CWC22: variants seen among roughly 807,000 people sequenced by gnomAD.
CWC22 encodes CWC22 spliceosome associated protein, also known as pre-mRNA-splicing factor CWC22 homolog.
In CWC22, 53 loss-of-function variants were observed where a neutral mutation model predicts 117.2. That is an observed-to-expected ratio of 0.45 (90% CI 0.36 to 0.57). CWC22 has a LOEUF of 0.57. Ranked by LOEUF, CWC22 falls within the 20% of genes least tolerant of loss-of-function variation. The probability of loss-of-function intolerance (pLI) is 0.00; values close to 1 mark genes in which losing one functional copy is unlikely to be tolerated. For missense variants in CWC22, 980 were observed against 1,068.8 expected (o/e 0.92, Z 1.16); for synonymous variants, 360 against 355.6 (o/e 1.01, Z -0.14).
At chr2:179,972,484 G>A (rs565002159) in intron 8 of CWC22, among the ~76,000 whole-genome samples, 52 of 152,224 alleles carry the variant, frequency 3.4e-4, no homozygotes, top group African/African-American at 1.1e-3. Context: ...GACTATACCT[G>A]TGTGGTTGCA....
chr2:179,986,272 C>T (rs1488333958), intron 4 of CWC22, among the ~76,000 whole-genome samples: 1 of 152,100 alleles, frequency 6.6e-6, no homozygotes, highest in Non-Finnish European at 1.5e-5. Context: ...TGTCCCTCTG[C>T]CATTACGCAG....
intron 1 of CWC22, among the ~76,000 whole-genome samples, chr2:179,993,667 TAGA>T (rs1280751687): frequency 4.6e-5 from 7 of 151,624 alleles, no homozygotes; most frequent in Non-Finnish European, 1.0e-4. Flanking sequence ...AGAGAGCAAA[TAGA>T]AGGTTTTATT....
intron 13 of CWC22, among the ~76,000 whole-genome samples, chr2:179,963,533 G>A (rs1201386692): frequency 1.3e-5 from 2 of 150,632 alleles, no homozygotes; most frequent in Non-Finnish European, 3.0e-5. Context: ...TAGTAGAGAC[G>A]GGGTTTCACC....
chr2:179,982,127 G>T, intron 4 of CWC22, 130 bp from the exon 5 acceptor site: 1 of 618,468 alleles, frequency 1.6e-6, no homozygotes, highest in Admixed American at 2.9e-5. Context: ...GTTTAGAATG[G>T]TGACAAAGTG....
In CWC22 at chr2:179,965,954, C is replaced by A. The variant is rs538752827; in HGVS notation, c.1239G>T (p.Ser413=). ...TACTCCCAGCATCCTGGTCTGTGTT[C>A]GAGTCAGTATCTCCCTCATCAAGAA... ...KEILDEGDTD[S]NTDQDAGSSE... The change falls in exon 12 of 20, where the codon TCG becomes TCT. Residue 413 remains serine, a synonymous_variant. Transcript: ENST00000410053. 8 of 1,611,842 alleles carry A rather than the reference C, an allele frequency of 5.0e-6. No homozygotes were observed. Among genetic ancestry groups the A allele is most frequent in the Non-Finnish European group, 6.8e-6 (8 of 1,178,484 alleles).
chr2:179,946,849 C>T (rs1383662632), intron 19 of CWC22, among the ~76,000 whole-genome samples: 2 of 152,164 alleles, frequency 1.3e-5, no homozygotes, highest in Non-Finnish European at 2.9e-5. Context: ...CAGAGAGGCA[C>T]TAACTGCACC....
intron 1 of CWC22, among the ~76,000 whole-genome samples, chr2:179,998,919 C>A (rs1324985463): frequency 6.6e-6 from 1 of 152,116 alleles, no homozygotes; most frequent in Non-Finnish European, 1.5e-5. Flanking sequence ...TCAGAACAAG[C>A]AATTTCTGTG....
chr2:179,975,010 G>C (rs1360214977), intron 6 of CWC22, among the ~76,000 whole-genome samples: 2 of 152,132 alleles, frequency 1.3e-5, no homozygotes, highest in Non-Finnish European at 2.9e-5. Context: ...CAAAGTGCTA[G>C]GATTACAGGC....
In CWC22 at chr2:180,000,872, A is replaced by C. The variant is rs146492738; in HGVS notation, c.-114+5995T>G. On this transcript the variant is annotated intron_variant, in intron 1 of 19. Transcript: ENST00000410053. Reference sequence around the variant, plus strand: ...CCCAGTGACACCATTATCTATACTGAAAACCTCACATTATAAATTGGGAGG... The same window carrying C: ...CCCAGTGACACCATTATCTATACTGCAAACCTCACATTATAAATTGGGAGG... Among the ~76,000 whole-genome samples the C allele has an allele frequency of 8.5e-5, 13 of 152,294 alleles. No individual in the cohort carries two copies. In the East Asian group the frequency reaches 2.3e-3, roughly 27 times the overall value.
intron 12 of CWC22, 137 bp from the exon 13 acceptor site, chr2:179,964,765 A>T: frequency 1.8e-6 from 1 of 554,016 alleles, no homozygotes; most frequent in Non-Finnish European, 3.2e-6. Flanking sequence ...TTACTGTGTA[A>T]ATTAGTATTT....
chr2:179,964,739 T>C, intron 12 of CWC22, 111 bp from the exon 13 acceptor site: 1 of 559,766 alleles, frequency 1.8e-6, no homozygotes, highest in Non-Finnish European at 3.1e-6. Flanking sequence ...AATACAAATT[T>C]AATAATATTA....
intron 11 of CWC22, among the ~76,000 whole-genome samples, chr2:179,969,268 C>T (rs1686971589): frequency 1.3e-5 from 2 of 152,022 alleles, no homozygotes; most frequent in South Asian, 4.1e-4. Flanking sequence ...GAAAAGAAGG[C>T]AAAATGGATC....
intron 14 of CWC22, among the ~76,000 whole-genome samples, 194 bp from the exon 15 acceptor site, chr2:179,955,228 C>G (rs1346615327): frequency 6.6e-6 from 1 of 151,958 alleles, no homozygotes; most frequent in African/African-American, 2.4e-5. Flanking sequence ...TGGCTGACAG[C>G]TTCCACAGTC....
chr2:179,995,050 G>A (rs770402358), intron 1 of CWC22, among the ~76,000 whole-genome samples: 3 of 152,112 alleles, frequency 2.0e-5, no homozygotes, highest in Non-Finnish European at 2.9e-5. Context: ...CCTGGGAGGC[G>A]GAGCTTGCAG....
Position 179,950,848 on chromosome 2 carries a change from A to G in CWC22, c.1896T>C (p.Thr632=), listed in dbSNP as rs369778280. 198 of 1,600,884 alleles carry G rather than the reference A, an allele frequency of 1.2e-4. No homozygotes were observed. Among genetic ancestry groups the G allele is most frequent in the Non-Finnish European group, 1.6e-4 (191 of 1,172,232 alleles). The change falls in exon 18 of 20, where the codon ACT becomes ACC. Residue 632 remains threonine (T), a synonymous_variant. Transcript: ENST00000410053. The part of the protein sequence containing the change: ...RNTRFAINFF[T]SIGLGGLTDE... ...ACGTTAAACCTCCAAGACCTATAGA[A>G]GTAAAGAAGTTGATGGCAAACCGAG...
At position 179,971,058 on chromosome 2, in the gene CWC22, A is replaced by T. The variant is rs936051101; in HGVS notation, c.823T>A (p.Leu275Ile). ...NQNVAHEVLC[L>I]EMLTLLLERP... is the part of the protein sequence containing the mutation. The stretch of plus-strand genomic sequence containing the variant: ...TCCAGGAGCAAAGTGAGCATCTCTA[A>T]GCATAATACTTCGTGTGCCTTAAAT... The change falls in exon 9 of 20, where the codon TTA becomes ATA. Residue 275 changes from leucine (L) to isoleucine (I), a missense_variant. This residue lies in a region of CWC22 where 559 missense variants were observed against 602.3 expected (regional missense o/e 0.93). Transcript: ENST00000410053. 5 of 1,595,442 alleles carry T rather than the reference A, an allele frequency of 3.1e-6. No homozygotes were observed. The Admixed American group carries it at 5.2e-5, about 17-fold the overall frequency.
At position 179,958,349 on chromosome 2, in the gene CWC22, AAG is replaced by A. The variant is rs1491287624; in HGVS notation, c.1458+671_1458+672del. On this transcript the variant is annotated intron_variant, in intron 14 of 19. Coordinates refer to ENST00000410053, the MANE Select transcript of CWC22 (RefSeq NM_020943.3). ...CTGGCTCAAAAAAAAAAAAAAAAAA[AAG>A]AATGAAGAAAATTATATAAATTTTT... 1.5e-3 allele frequency among the ~76,000 whole-genome samples: 222 copies of A among 149,654 alleles called. 2 individuals carry two copies. Among genetic ancestry groups the A allele is most frequent in the Non-Finnish European group, 2.1e-3 (141 of 67,432 alleles).
intron 2 of CWC22, 50 bp downstream of exon 2, chr2:179,993,265 G>A (rs1687615765): frequency 1.6e-6 from 2 of 1,260,444 alleles, no homozygotes; most frequent in Middle Eastern, 1.8e-4. Flanking sequence ...TTAAAGAATA[G>A]GTAATTGACT....
At chr2:180,006,480 G>A (rs1286290064) in intron 1 of CWC22, among the ~76,000 whole-genome samples, 1 of 152,188 alleles carries the variant, frequency 6.6e-6, no homozygotes, top group Non-Finnish European at 1.5e-5. Context: ...GGGCACATGA[G>A]AAGCGAAGTG....
Sources: allele counts gnomAD v4.1 joint callset (sites outside exome capture counted in the v4.1 genomes callset), GRCh38; gene constraint gnomAD v4.1.1; regional missense constraint gnomAD v4.1.1; transcripts MANE v1.5; gene names NCBI Gene and HGNC (gene_info 2026-07-23, HGNC 2026-07-21).